The following C6 variants were observed in gnomAD, a reference collection of about 807,000 sequenced individuals.
The protein encoded by C6 is complement C6.
A neutral mutation model predicts 112.9 loss-of-function variants in C6; 101 were observed. The observed-to-expected ratio is 0.89, with a 90% confidence interval of 0.76 to 1.06. C6 has a LOEUF of 1.06. C6 is among the 50% of genes least tolerant of loss of function. The pLI, the probability that C6 is intolerant of heterozygous loss-of-function variation, is 0.00. For missense variants in C6, 1,202 were observed against 1,104.6 expected, an observed-to-expected ratio of 1.09 and a Z score of -1.25; for synonymous variants, 431 against 384.1, an observed-to-expected ratio of 1.12 and a Z score of -1.43.
At chr5:41,222,652 ATC>A (rs1739252411) in intron 1 of C6, among the ~76,000 whole-genome samples, 1 of 152,212 alleles carries the variant, frequency 6.6e-6, no homozygotes, top group South Asian at 2.1e-4. Context: ...ATTTATATGA[ATC>A]TCTATATATT....
chr5:41,242,268 TAGTG>T (rs1740765217), intron 1 of C6, among the ~76,000 whole-genome samples: 1 of 152,124 alleles, frequency 6.6e-6, no homozygotes, highest in South Asian at 2.1e-4. Context: ...GTTCTCATGA[TAGTG>T]AGTGAGTCTC....
intron 1 of C6, among the ~76,000 whole-genome samples, chr5:41,256,464 C>G (rs1350688114): frequency 1.5e-5 from 2 of 131,102 alleles, no homozygotes; most frequent in African/African-American, 5.7e-5. Context: ...AAAAAAGAGT[C>G]TTAGATTCTA....
intron 17 of C6, among the ~76,000 whole-genome samples, chr5:41,145,702 T>C (rs1198736509): frequency 6.6e-6 from 1 of 152,202 alleles, no homozygotes; most frequent in Non-Finnish European, 1.5e-5. Flanking sequence ...CGTACTATGC[T>C]CTCCATCAAC....
chr5:41,193,795 A>ATTTTT (rs11460725), intron 5 of C6, among the ~76,000 whole-genome samples: 11 of 137,390 alleles, frequency 8.0e-5, no homozygotes, highest in African/African-American at 1.3e-4. Context: ...TCAGGAAGCT[A>ATTTTT]TTTTTTTTTT....
intron 1 of C6, among the ~76,000 whole-genome samples, chr5:41,236,499 G>C (rs531548289): frequency 0.08 from 11,378 of 141,886 alleles, 777 homozygotes; most frequent in African/African-American, 0.19. Flanking sequence ...CGAAATGAAG[G>C]CAGAAATAAA....
chr5:41,149,910 A>T, intron 16 of C6, 25 bp downstream of exon 16: 4 of 1,522,502 alleles, frequency 2.6e-6, no homozygotes, highest in Non-Finnish European at 3.6e-6. Context: ...CAATTTCCAG[A>T]CACAGTCTGT....
rs573641390 is a variant in C6, at chr5:41,254,693, T to C, written c.-21+6501A>G. On this transcript the variant is annotated intron_variant, in intron 1 of 17. Coordinates refer to the C6 transcript ENST00000263413. ...CAATGTAAATGTTAAGTGATCCCTA[T>C]AGAAAGGAAATCATAATACAGTGTT... Among the ~76,000 whole-genome samples the C allele has an allele frequency of 3.2e-4, 48 of 152,288 alleles. No homozygotes were observed. The South Asian group carries it at 9.1e-3, about 29-fold the overall frequency.
At chr5:41,260,399 C>A (rs1172576992) in intron 1 of C6, among the ~76,000 whole-genome samples, 1 of 151,908 alleles carries the variant, frequency 6.6e-6, no homozygotes, top group Non-Finnish European at 1.5e-5. Context: ...GCTTTCAGAT[C>A]CCTTCTCTTC....
chr5:41,154,987 C>T lies in C6; in HGVS notation c.2086G>A (p.Asp696Asn), dbSNP rs78888823. The T allele has an allele frequency of 5.5e-4, 883 of 1,613,788 alleles. 5 individuals carry two copies. The African/African-American group carries it at 0.01, about 19-fold the overall frequency. The change falls in exon 14 of 18, where the codon GAT (aspartate) becomes AAT (asparagine). Residue 696 changes from aspartate (D) to asparagine (N), a missense_variant. Coordinates refer to ENST00000337836, the MANE Select transcript of C6 (RefSeq NM_000065.5). The part of the protein sequence containing the change: ...CLPDGTWRQG[D>N]VECQRTECIK... ...CAGTTCTCACGTTGGCATTCCACAT[C>T]CCCTTGTCTCCAGGTCCCGTCTGGT...
chr5:41,143,677 G>A (rs1745557258), intron 17 of C6, among the ~76,000 whole-genome samples: 1 of 152,138 alleles, frequency 6.6e-6, no homozygotes, highest in Admixed American at 6.6e-5. Flanking sequence ...ATTAGTAAAT[G>A]GTAGAAGCAG....
intron 5 of C6, among the ~76,000 whole-genome samples, chr5:41,191,097 CTG>C (rs1452937413): frequency 9.3e-6 from 1 of 107,984 alleles, no homozygotes; most frequent in East Asian, 2.7e-4. Flanking sequence ...TGCAGAGTCT[CTG>C]TGTGTTGCCC....
At position 41,149,788 on chromosome 5, in the gene C6, G is replaced by A. The variant is rs1746205478; in HGVS notation, c.2381+147C>T. The A allele has an allele frequency of 1.7e-5, 12 of 698,400 alleles. No individual in the cohort carries two copies. The South Asian group carries it at 1.9e-4, about 11-fold the overall frequency. 43.3% of individuals were successfully genotyped at this position (698,400 alleles called of 1,614,324 possible). A position where few individuals can be genotyped will look rare whatever the true frequency, so the allele number is the denominator to read the frequency against. ...AACTTGCTACCCAATGGGGAAGGAG[G>A]AATTCAGCAGAGCACAGGAATATCA... is the stretch of plus-strand genomic sequence containing the variant. On this transcript the variant is annotated intron_variant, in intron 16 of 17. Transcript: ENST00000337836.
intron 2 of C6, among the ~76,000 whole-genome samples, chr5:41,202,828 T>C (rs927647740): frequency 2.0e-5 from 3 of 151,746 alleles, no homozygotes; most frequent in African/African-American, 7.3e-5. Context: ...GTAGTGATTC[T>C]AAGCAAGTTA....
At position 41,204,199 on chromosome 5, in the gene C6, G is replaced by A. The variant is rs111777334; in HGVS notation, c.-20-949C>T. 8.3e-3 allele frequency among the ~76,000 whole-genome samples: 1,269 copies of A among 152,120 alleles called. 20 individuals are homozygous for A. Among genetic ancestry groups the A allele is most frequent in the African/African-American group, 0.028 (1,176 of 41,500 alleles). Reference sequence around the variant, plus strand: ...TACTTTAAAAAGTTAAATGCCATTCGCCTAATTTTTCTGTCTCAGTTTCAC... The same window carrying A: ...TACTTTAAAAAGTTAAATGCCATTCACCTAATTTTTCTGTCTCAGTTTCAC... On this transcript the variant is annotated intron_variant, in intron 1 of 17. Coordinates refer to ENST00000337836, the MANE Select transcript of C6 (RefSeq NM_000065.5).
At chr5:41,200,020 A>G in intron 3 of C6, 108 bp from the exon 4 acceptor site, 2 of 963,470 alleles carry the variant, frequency 2.1e-6, no homozygotes, top group Non-Finnish European at 3.3e-6. Context: ...CTATGGTAAT[A>G]TTTCTTATAT....
rs1489095069 is a variant in C6 at position 41,203,103 on chromosome 5, G to C, written c.128C>G (p.Thr43Ser). ...TSCSKTCNSG[T>S]QSRHRQIVVD... ...TCACACCCACCTGTGTCTGCTCTGG[G>C]TTCCAGAATTGCAAGTTTTTGAGCA... is the stretch of plus-strand genomic sequence containing the variant. The change falls in exon 2 of 18, where the codon ACC (threonine) becomes AGC (serine). Residue 43 changes from threonine to serine, a missense_variant. Physicochemically the swap from Thr to Ser is moderately conservative, Grantham distance 58. Coordinates refer to ENST00000337836, the MANE Select transcript of C6 (RefSeq NM_000065.5). 6.2e-7 allele frequency: 1 copy of C among 1,613,908 alleles called. No homozygotes were observed. The highest frequency in any genetic ancestry group is 8.5e-7 in the Non-Finnish European group (1 of 1,179,962).
At chr5:41,156,649 C>T (rs1372490583) in intron 13 of C6, among the ~76,000 whole-genome samples, 2 of 152,102 alleles carry the variant, frequency 1.3e-5, no homozygotes, top group Admixed American at 6.6e-5. Context: ...TGTTACTTGG[C>T]CATATGGTTA....
intron 1 of C6, among the ~76,000 whole-genome samples, chr5:41,256,367 A>G (rs1741699107): frequency 6.6e-6 from 1 of 151,486 alleles, no homozygotes; most frequent in Non-Finnish European, 1.5e-5. Flanking sequence ...AGCATGGCAC[A>G]TGTATACATA....
At chr5:41,209,690 C>G (rs1751737117) in intron 1 of C6, among the ~76,000 whole-genome samples, 1 of 152,152 alleles carries the variant, frequency 6.6e-6, no homozygotes, top group South Asian at 2.1e-4. Flanking sequence ...AGGAGAACTA[C>G]AAACCACTGC....
Sources: gnomAD v4.1 joint callset for allele counts (sites outside exome capture counted in the v4.1 genomes callset) on GRCh38, gnomAD v4.1.1 for gene constraint, MANE v1.5 for transcripts, NCBI Gene and HGNC (gene_info 2026-07-23, HGNC 2026-07-21) for gene names.